TINAG: variants seen among roughly 807,000 people sequenced by gnomAD.
The protein encoded by TINAG is tubulointerstitial nephritis antigen.
TINAG carries 83 observed loss-of-function variants against 72.7 expected under a neutral mutation model. The observed-to-expected ratio is 1.14, with a 90% confidence interval of 0.96 to 1.37. The LOEUF (loss-of-function observed/expected upper bound fraction) is 1.37. TINAG is among the 40% of genes most tolerant of loss of function. TINAG has a pLI of 0.00. For synonymous variants in TINAG, 234 were observed against 189.9 expected (o/e 1.23, Z -1.91); for missense variants, 685 against 576.6 (o/e 1.19, Z -1.93).
At chr6:54,318,784 G>A (rs1294357125) in intron 1 of TINAG, among the ~76,000 whole-genome samples, 2 of 152,262 alleles carry the variant, frequency 1.3e-5, no homozygotes, top group East Asian at 3.9e-4. Flanking sequence ...TGAGTGGACT[G>A]CGTCTGGGTA....
chr6:54,339,028 C>T (rs1784935982), intron 4 of TINAG, among the ~76,000 whole-genome samples: 1 of 152,092 alleles, frequency 6.6e-6, no homozygotes, highest in Admixed American at 6.5e-5. Context: ...TATCACAGTT[C>T]ATCCATTTTC....
At chr6:54,355,233 T>C (rs1467636675) in intron 9 of TINAG, among the ~76,000 whole-genome samples, 1 of 151,874 alleles carries the variant, frequency 6.6e-6, no homozygotes, top group Non-Finnish European at 1.5e-5. Context: ...CCCAGCGCCT[T>C]CTCAATTTTA....
At chr6:54,344,512 G>C (rs1389658743) in intron 5 of TINAG, among the ~76,000 whole-genome samples, 1 of 152,152 alleles carries the variant, frequency 6.6e-6, no homozygotes, top group African/African-American at 2.4e-5. Context: ...CAGATGGGTG[G>C]AGAGAGGTTT....
chr6:54,385,165 A>C (rs1764063415), intron 10 of TINAG, among the ~76,000 whole-genome samples: 1 of 151,490 alleles, frequency 6.6e-6, no homozygotes, highest in Non-Finnish European at 1.5e-5. Flanking sequence ...ACAGAAAAGC[A>C]AAAAAAAGTA....
chr6:54,359,696 T>C (rs1424446300), intron 9 of TINAG, among the ~76,000 whole-genome samples: 2 of 151,832 alleles, frequency 1.3e-5, no homozygotes, highest in Non-Finnish European at 2.9e-5. Context: ...ATTCTGCTAG[T>C]AGGCAAATTA....
intron 9 of TINAG, among the ~76,000 whole-genome samples, chr6:54,377,422 G>A (rs1763814005): frequency 6.6e-6 from 1 of 152,126 alleles, no homozygotes; most frequent in East Asian, 1.9e-4. Flanking sequence ...TGAGGCAGGA[G>A]AATCGCTGGA....
At chr6:54,339,905 A>C (rs535210146) in intron 4 of TINAG, among the ~76,000 whole-genome samples, 31 of 152,272 alleles carry the variant, frequency 2.0e-4, no homozygotes, top group African/African-American at 7.2e-4. Context: ...ATACAACTGA[A>C]AATATAGGGC....
intron 1 of TINAG, among the ~76,000 whole-genome samples, chr6:54,315,257 C>T (rs773411386): frequency 2.6e-5 from 4 of 152,066 alleles, no homozygotes; most frequent in South Asian, 2.1e-4. Context: ...TGTACATTAT[C>T]TTCAGGATTA....
intron 9 of TINAG, among the ~76,000 whole-genome samples, chr6:54,368,348 AAAT>A (rs1238043922): frequency 2.0e-5 from 3 of 147,884 alleles, no homozygotes; most frequent in African/African-American, 4.9e-5. Flanking sequence ...TTTAAATATT[AAAT>A]AATAGTTATT....
At chr6:54,323,817 G>T (rs1784545825) in intron 3 of TINAG, among the ~76,000 whole-genome samples, 1 of 152,158 alleles carries the variant, frequency 6.6e-6, no homozygotes, top group African/African-American at 2.4e-5. Context: ...ATCCAGGTGT[G>T]CTGGCACAGG....
chr6:54,338,640 T>G (rs1582717510), intron 4 of TINAG, among the ~76,000 whole-genome samples: 1 of 149,204 alleles, frequency 6.7e-6, no homozygotes, highest in Non-Finnish European at 1.5e-5. Flanking sequence ...AGGAGAATCA[T>G]TTGAAACTGG....
chr6:54,343,159 G>A (rs778032452), intron 4 of TINAG, 67 bp from the exon 5 acceptor site: 2 of 1,330,076 alleles, frequency 1.5e-6, no homozygotes, highest in Non-Finnish European at 2.0e-6. Context: ...TTATAAAAGG[G>A]CGTGACATTT....
Position 54,332,000 on chromosome 6 carries a change from C to T in TINAG, c.624+5084C>T, listed in dbSNP as rs151075453. On this transcript the variant is annotated intron_variant, in intron 4 of 10. Coordinates refer to ENST00000259782, the MANE Select transcript of TINAG (RefSeq NM_014464.4). ...CAAAAACATTCCATGCTCATATGCT[C>T]ATGGATAGGAAGAATCAACATTGTG... 3.0e-3 allele frequency among the ~76,000 whole-genome samples: 449 copies of T among 152,198 alleles called. 4 individuals carry two copies. The highest frequency in any genetic ancestry group is 0.01 in the African/African-American group (420 of 41,534).
At chr6:54,317,140 G>T (rs1784390139) in intron 1 of TINAG, among the ~76,000 whole-genome samples, 1 of 151,972 alleles carries the variant, frequency 6.6e-6, no homozygotes, top group Non-Finnish European at 1.5e-5. Context: ...CTCCATCTGG[G>T]TTACTGCTTA....
intron 3 of TINAG, among the ~76,000 whole-genome samples, chr6:54,325,903 A>T (rs1189025049): frequency 6.6e-6 from 1 of 152,176 alleles, no homozygotes; most frequent in East Asian, 1.9e-4. Context: ...GTATATTATT[A>T]AAAATTAAGT....
chr6:54,354,481 TG>T, intron 8 of TINAG, 31 bp from the exon 9 acceptor site: 1 of 1,575,172 alleles, frequency 6.3e-7, no homozygotes, highest in Non-Finnish European at 8.6e-7. Context: ...ATTTTAATAC[TG>T]TGCCATTTGT....
intron 9 of TINAG, among the ~76,000 whole-genome samples, chr6:54,377,386 C>T (rs1763812864): frequency 6.6e-6 from 1 of 152,076 alleles, no homozygotes; most frequent in Non-Finnish European, 1.5e-5. Flanking sequence ...GTGGCACATG[C>T]TTGTAATCCC....
At chr6:54,328,911 G>T (rs1784672007) in intron 4 of TINAG, among the ~76,000 whole-genome samples, 1 of 151,776 alleles carries the variant, frequency 6.6e-6, no homozygotes. Context: ...AAGCATGAAG[G>T]CAAGATTAAA....
intron 4 of TINAG, among the ~76,000 whole-genome samples, chr6:54,342,174 T>C (rs1476206067): frequency 6.6e-6 from 1 of 152,132 alleles, no homozygotes; most frequent in Non-Finnish European, 1.5e-5. Context: ...GTCATCTCTT[T>C]AGAAAAGTTT....
Sources: allele counts gnomAD v4.1 joint callset (sites outside exome capture counted in the v4.1 genomes callset), GRCh38; gene constraint gnomAD v4.1.1; transcripts MANE v1.5; gene names NCBI Gene and HGNC (gene_info 2026-07-23, HGNC 2026-07-21).